Variants in MAST2 observed in about 807,000 individuals in gnomAD.
The protein encoded by MAST2 is microtubule associated serine/threonine kinase 2, also known as microtubule-associated serine/threonine-protein kinase 2.
In MAST2, 70 loss-of-function variants were observed where a neutral mutation model predicts 147.4. That is an observed-to-expected ratio of 0.47 (90% CI 0.39 to 0.58). The LOEUF (loss-of-function observed/expected upper bound fraction) is 0.58. Ranked by LOEUF, MAST2 falls within the 20% of genes least tolerant of loss-of-function variation. The pLI is 0.00. For synonymous variants in MAST2, 869 were observed against 896.8 expected (o/e 0.97, Z 0.55); for missense variants, 2,080 against 2,302.3 (o/e 0.90, Z 1.98).
Position 45,942,160 on chromosome 1 carries a change from T to G in MAST2, c.501-17226T>G, listed in dbSNP as rs868682301. ...GTAGTGGGTTTCTTTTTTTTTTTTT[T>G]TAACTGAACCAGCTCAAGTTTTACA... is the stretch of plus-strand genomic sequence containing the variant. On this transcript the variant is annotated intron_variant, in intron 4 of 28. Coordinates refer to ENST00000361297, the MANE Select transcript of MAST2 (RefSeq NM_015112.3). Among the ~76,000 whole-genome samples, 60 of 152,020 alleles carry G rather than the reference T, an allele frequency of 3.9e-4. 1 individual carries two copies. The Middle Eastern group carries it at 0.031, about 78-fold the overall frequency.
At chr1:45,974,842 A>G (rs1265563765) in intron 5 of MAST2, among the ~76,000 whole-genome samples, 3 of 152,220 alleles carry the variant, frequency 2.0e-5, no homozygotes, top group Non-Finnish European at 4.4e-5. Flanking sequence ...GATTGTGTGA[A>G]GATACTGAAA....
chr1:45,855,969 C>T (rs1395446560), intron 3 of MAST2, among the ~76,000 whole-genome samples: 1 of 152,138 alleles, frequency 6.6e-6, no homozygotes. Flanking sequence ...TTCAGATCTT[C>T]GGCTTCTCTT....
chr1:45,820,834 CTT>C lies in MAST2; in HGVS notation c.178-3584_178-3583del, dbSNP rs59059194. ...ATGTAGTGGTGATGGACTCTGTCTGCTTTTTTTTTTTTTTTTCTTAATCTGAA... is the reference window on the plus strand; with the variant it reads ...ATGTAGTGGTGATGGACTCTGTCTGCTTTTTTTTTTTTTTCTTAATCTGAA... On this transcript the variant is annotated intron_variant, in intron 1 of 28. Transcript: ENST00000361297. 4.0e-3 allele frequency among the ~76,000 whole-genome samples: 413 copies of C among 102,814 alleles called. 2 individuals carry two copies. Among genetic ancestry groups the C allele is most frequent in the African/African-American group, 9.3e-3 (253 of 27,128 alleles). 67.4% of individuals were successfully genotyped at this position (102,814 alleles called of 152,430 possible). A position where few individuals can be genotyped will look rare whatever the true frequency, so the allele number is the denominator to read the frequency against.
At chr1:45,837,267 C>T (rs969637515) in intron 3 of MAST2, among the ~76,000 whole-genome samples, 25 of 152,258 alleles carry the variant, frequency 1.6e-4, no homozygotes, top group Admixed American at 9.8e-4. Context: ...TGTCCCTTTG[C>T]TGTCTGTTCT....
intron 5 of MAST2, among the ~76,000 whole-genome samples, chr1:45,988,439 A>G (rs1294498794): frequency 1.3e-5 from 2 of 152,222 alleles, no homozygotes; most frequent in Non-Finnish European, 2.9e-5. Flanking sequence ...ATTTCATTGT[A>G]GTCAGAAAAC....
intron 1 of MAST2, among the ~76,000 whole-genome samples, chr1:45,811,338 ATTTTT>A (rs57495413): frequency 5.3e-5 from 6 of 113,004 alleles, no homozygotes; most frequent in East Asian, 5.0e-4. Flanking sequence ...GTATTTTTGT[ATTTTT>A]TTTTTTTTTT....
chr1:46,003,291 C>A (rs1027535175), intron 7 of MAST2, among the ~76,000 whole-genome samples: 1 of 152,132 alleles, frequency 6.6e-6, no homozygotes, highest in Non-Finnish European at 1.5e-5. Flanking sequence ...CTCTTTTTCA[C>A]CTTTTTCTTT....
chr1:45,903,126 C>CTTTT (rs34621764), intron 4 of MAST2, among the ~76,000 whole-genome samples: 32,011 of 78,776 alleles, frequency 0.41, 7,603 homozygotes, highest in African/African-American at 0.46. Context: ...AAATTTTTGT[C>CTTTT]TTTTTTTTTT....
At chr1:45,868,764 A>G (rs1646263482) in intron 3 of MAST2, among the ~76,000 whole-genome samples, 1 of 152,170 alleles carries the variant, frequency 6.6e-6, no homozygotes, top group Non-Finnish European at 1.5e-5. Flanking sequence ...TAAAAACAAA[A>G]TCTTCAAGAA....
chr1:45,883,238 A>G (rs1197395903), intron 4 of MAST2, among the ~76,000 whole-genome samples: 1 of 152,216 alleles, frequency 6.6e-6, no homozygotes, highest in South Asian at 2.1e-4. Flanking sequence ...AACAGCATTC[A>G]TATTTATTAA....
At chr1:45,935,012 C>T (rs1315705388) in intron 4 of MAST2, among the ~76,000 whole-genome samples, 1 of 152,224 alleles carries the variant, frequency 6.6e-6, no homozygotes, top group Non-Finnish European at 1.5e-5. Context: ...ATTTACAATT[C>T]CACCAATAAT....
At chr1:46,030,386 A>G in intron 21 of MAST2, 148 bp downstream of exon 21, 1 of 852,998 alleles carries the variant, frequency 1.2e-6, no homozygotes, top group Non-Finnish European at 1.8e-6. Context: ...GGCTACATAT[A>G]GCTATATATA....
rs773965598 is a variant in MAST2, at chr1:46,034,248, C to G, written c.3850C>G (p.Pro1284Ala). ...RSPTQGYRVT[P>A]DAVHSVGGNS... ...TCCCACTCAAGGCTACCGGGTGACC[C>G]CCGATGCTGTGCATTCAGGTACGAA... Residue 1284 changes from proline to alanine, a missense_variant, in exon 28 of 29, where the codon CCC becomes GCC. Transcript: ENST00000361297. 1 of 1,613,310 alleles carries G rather than the reference C, an allele frequency of 6.2e-7. No homozygotes were observed. The highest frequency in any genetic ancestry group is 8.5e-7 in the Non-Finnish European group (1 of 1,179,508).
At chr1:45,856,407 G>A (rs1043432352) in intron 3 of MAST2, among the ~76,000 whole-genome samples, 3 of 152,142 alleles carry the variant, frequency 2.0e-5, no homozygotes, top group Non-Finnish European at 2.9e-5. Context: ...TTCAGACAAG[G>A]TATAGTGTAA....
chr1:46,020,289 T>A (rs1646131184), intron 11 of MAST2, among the ~76,000 whole-genome samples: 1 of 152,156 alleles, frequency 6.6e-6, no homozygotes, highest in African/African-American at 2.4e-5. Context: ...TGAGGCTTAT[T>A]CAGCAAACTG....
At chr1:45,874,921 A>G (rs1391178666) in intron 3 of MAST2, among the ~76,000 whole-genome samples, 3 of 152,328 alleles carry the variant, frequency 2.0e-5, no homozygotes, top group East Asian at 1.9e-4. Flanking sequence ...CCAGGAATGT[A>G]TAAAAAGAGA....
chr1:46,019,623 G>C lies in MAST2; in HGVS notation c.1216G>C (p.Val406Leu), dbSNP rs191483977. ...TCATGAGCGCTCAGAGAGCTCAGAA[G>C]TGGCTTTTGTGATGCAGCTGGTGAA... ...DAHERSESSE[V>L]AFVMQLVKKL... The change falls in exon 11 of 29, where the codon GTG becomes CTG. Residue 406 changes from valine to leucine, a missense_variant. Around this residue, in one of 4 missense-constraint regions of MAST2, gnomAD observed 569 missense variants for 642.5 expected, o/e 0.89. Transcript: ENST00000361297. The C allele has an allele frequency of 1.2e-5, 19 of 1,614,170 alleles. No homozygotes were observed. The Admixed American group carries it at 2.8e-4, about 24-fold the overall frequency.
intron 4 of MAST2, among the ~76,000 whole-genome samples, chr1:45,907,651 G>T (rs1216708352): frequency 1.3e-5 from 2 of 152,036 alleles, no homozygotes; most frequent in Non-Finnish European, 2.9e-5. Flanking sequence ...TGCAACTGTT[G>T]TCACCATCTA....
At chr1:45,987,653 G>GT (rs1644681280) in intron 5 of MAST2, among the ~76,000 whole-genome samples, 2 of 149,876 alleles carry the variant, frequency 1.3e-5, no homozygotes, top group African/African-American at 2.5e-5. Flanking sequence ...TTTTCCAGTG[G>GT]TTTTTTTATT....
Sources: gnomAD v4.1 joint callset for allele counts (sites outside exome capture counted in the v4.1 genomes callset) on GRCh38, gnomAD v4.1.1 for gene constraint, gnomAD v4.1.1 regional missense constraint, MANE v1.5 for transcripts, NCBI Gene and HGNC (gene_info 2026-07-23, HGNC 2026-07-21) for gene names.